The following FUT8 variants were observed in gnomAD, a reference collection of about 807,000 sequenced individuals.
The protein encoded by FUT8 is alpha-(1,6)-fucosyltransferase.
FUT8 carries 29 observed loss-of-function variants against 71.3 expected under a neutral mutation model. That is an observed-to-expected ratio of 0.41 (90% CI 0.30 to 0.55). The LOEUF is 0.55. Among genes scored for constraint, FUT8 ranks in the 20% least tolerant of loss-of-function variants. FUT8 has a pLI of 0.34. For synonymous variants in FUT8, 254 were observed against 239.3 expected (o/e 1.06, Z -0.57); for missense variants, 544 against 702.1 (o/e 0.77, Z 2.55).
intron 7 of FUT8, among the ~76,000 whole-genome samples, chr14:65,688,287 C>T (rs1893399653): frequency 1.3e-5 from 2 of 152,082 alleles, no homozygotes; most frequent in Admixed American, 6.5e-5. Context: ...GCAAACTAAT[C>T]TTTTAAATCT....
chr14:65,715,977 A>T (rs1327347843), intron 7 of FUT8, among the ~76,000 whole-genome samples: 2 of 150,812 alleles, frequency 1.3e-5, no homozygotes, highest in African/African-American at 4.9e-5. Context: ...CCTCTCTCAA[A>T]AAAAAAAAAA....
chr14:65,457,246 T>G (rs1013890002), intron 2 of FUT8, among the ~76,000 whole-genome samples: 11 of 152,248 alleles, frequency 7.2e-5, no homozygotes, highest in Admixed American at 7.2e-4. Context: ...CTGTGATGAT[T>G]TAACTATTGC....
intron 3 of FUT8, among the ~76,000 whole-genome samples, chr14:65,606,228 A>C (rs1399936117): frequency 1.3e-5 from 2 of 150,580 alleles, no homozygotes; most frequent in Non-Finnish European, 3.0e-5. Context: ...GCCTGCCACC[A>C]ACCCTGGCTA....
At position 65,742,462 on chromosome 14, in the gene FUT8, C is replaced by T. The variant is rs1445013461; in HGVS notation, c.*52C>T. 1.3e-6 allele frequency: 2 copies of T among 1,506,850 alleles called. No individual in the cohort carries two copies. Among genetic ancestry groups the T allele is most frequent in the Non-Finnish European group, 1.8e-6 (2 of 1,106,024 alleles). 93.3% of individuals were successfully genotyped at this position (1,506,850 alleles called of 1,614,324 possible). On this transcript the variant is annotated 3_prime_UTR_variant, in exon 11 of 11. Coordinates refer to ENST00000673929, the MANE Select transcript of FUT8 (RefSeq NM_001371533.1). ...AAACTCAGTTCGACCAAACTCAGTT[C>T]AAACCATTTCAGCCAAACTGTAGAT...
chr14:65,368,342 CTT>C, the FUT8 span, among the ~76,000 whole-genome samples: 16 of 89,700 alleles, frequency 1.8e-4, no homozygotes, highest in Admixed American at 2.4e-4. Context: ...CGTGAGCCAC[CTT>C]TTTTTTTTTT....
the FUT8 span, among the ~76,000 whole-genome samples, chr14:65,389,003 T>C: frequency 6.6e-6 from 1 of 150,886 alleles, no homozygotes; most frequent in Non-Finnish European, 1.5e-5. Context: ...AATGAATACA[T>C]ACATATTTAT....
At chr14:65,511,743 G>A (rs565783875) in intron 2 of FUT8, among the ~76,000 whole-genome samples, 2 of 152,214 alleles carry the variant, frequency 1.3e-5, no homozygotes, top group Non-Finnish European at 2.9e-5. Flanking sequence ...CATTGGCATG[G>A]AATATCTTTT....
At chr14:65,558,887 G>GA (rs1885747975) in intron 2 of FUT8, among the ~76,000 whole-genome samples, 1 of 151,918 alleles carries the variant, frequency 6.6e-6, no homozygotes, top group African/African-American at 2.4e-5. Flanking sequence ...CTATTAATTA[G>GA]AAAATGACCA....
chr14:65,575,767 C>T (rs1886739690), intron 3 of FUT8, among the ~76,000 whole-genome samples: 1 of 151,984 alleles, frequency 6.6e-6, no homozygotes, highest in Non-Finnish European at 1.5e-5. Context: ...TACAGGTGCG[C>T]GTTGCTGTGG....
At position 65,643,975 on chromosome 14, in the gene FUT8, A is replaced by G. The variant is rs1890994527; in HGVS notation, c.597+14369A>G. Among the ~76,000 whole-genome samples, 2 of 152,090 alleles carry G rather than the reference A, an allele frequency of 1.3e-5. No individual in the cohort carries two copies. The highest frequency in any genetic ancestry group is 6.5e-5 in the Admixed American group (1 of 15,274). On this transcript the variant is annotated intron_variant, in intron 6 of 10. Transcript: ENST00000673929. This position sits in a 1 kb window ranked among gnomAD's most constrained non-coding sequence, Gnocchi z 4.5. ...TCGACTCTGATCTAAGTCACAATAC[A>G]GTTCTAGAAACAATTTTCCAAATCT...
chr14:65,669,314 G>A lies in FUT8; in HGVS notation c.669G>A (p.Gln223=), dbSNP rs1480205605. The change falls in exon 7 of 11, where the codon CAG becomes CAA. Residue 223 remains glutamine (Q), a synonymous_variant. Coordinates refer to ENST00000673929, the MANE Select transcript of FUT8 (RefSeq NM_001371533.1). The surrounding 1 kb of genome is among the most constrained non-coding windows in gnomAD (Gnocchi z 4.5). ...NINKGCGYGC[Q]LHHVVYCFMI... ...ACAAAGGCTGTGGCTATGGCTGTCA[G>A]CTCCATCATGTGGTCTACTGCTTCA... is the stretch of plus-strand genomic sequence containing the variant. The A allele has an allele frequency of 1.2e-6, 2 of 1,613,900 alleles. No homozygotes were observed. The highest frequency in any genetic ancestry group is 4.5e-5 in the East Asian group (2 of 44,886).
upstream of FUT8, among the ~76,000 whole-genome samples, chr14:65,408,188 C>CT (rs200375534): frequency 7.2e-5 from 11 of 152,012 alleles, no homozygotes; most frequent in East Asian, 5.8e-4. Context: ...CTACCTTGTC[C>CT]TTTTTTTTGG....
chr14:65,664,561 G>A (rs1400436322), intron 6 of FUT8, among the ~76,000 whole-genome samples: 1 of 152,018 alleles, frequency 6.6e-6, no homozygotes, highest in Non-Finnish European at 1.5e-5. Context: ...GTTCTGCTTT[G>A]ATCTAAAAAA....
Position 65,415,361 on chromosome 14 carries a change from A to C in FUT8, c.-326+2147A>C, listed in dbSNP as rs185273519. On this transcript the variant is annotated intron_variant, in intron 1 of 10. Coordinates refer to ENST00000673929, the MANE Select transcript of FUT8 (RefSeq NM_001371533.1). ...GTGAATATATTGTGTATTACAAATT[A>C]GTTTAAAAAAGTCTTTTCATGCGCT... 2.8e-4 allele frequency among the ~76,000 whole-genome samples: 42 copies of C among 152,344 alleles called. No individual in the cohort carries two copies. The East Asian group carries it at 7.5e-3, about 27-fold the overall frequency.
In FUT8 at chr14:65,736,188, T is replaced by C. The variant is rs375742719; in HGVS notation, c.1410+2807T>C. On this transcript the variant is annotated intron_variant, in intron 10 of 10. Transcript: ENST00000673929. Reference sequence around the variant, plus strand: ...ATAGTACCTATAGTATAGAGTCTTTTTGAGGATTAAGGAGTTATGAAAAGT... The same window carrying C: ...ATAGTACCTATAGTATAGAGTCTTTCTGAGGATTAAGGAGTTATGAAAAGT... Among the ~76,000 whole-genome samples the C allele has an allele frequency of 1.2e-4, 19 of 152,194 alleles. 3 individuals carry two copies. The highest frequency in any genetic ancestry group is 4.3e-4 in the African/African-American group (18 of 41,526).
intron 1 of FUT8, among the ~76,000 whole-genome samples, chr14:65,439,391 G>A (rs562057915): frequency 1.3e-5 from 2 of 152,264 alleles, no homozygotes; most frequent in East Asian, 1.9e-4. Flanking sequence ...GAATGGACAT[G>A]TACCTCATAT....
intron 7 of FUT8, among the ~76,000 whole-genome samples, chr14:65,693,539 A>G (rs1303217829): frequency 6.6e-6 from 1 of 152,058 alleles, no homozygotes; most frequent in Non-Finnish European, 1.5e-5. Flanking sequence ...GGGGAGAGGG[A>G]GAGAGGGAGG....
intron 6 of FUT8, among the ~76,000 whole-genome samples, chr14:65,630,967 A>G (rs552775173): frequency 1.2e-4 from 18 of 152,338 alleles, no homozygotes; most frequent in South Asian, 2.1e-4. Context: ...ATGGTTCTGT[A>G]TATTTTAAGG....
chr14:65,586,756 C>G (rs548547127), intron 3 of FUT8, among the ~76,000 whole-genome samples: 14 of 152,266 alleles, frequency 9.2e-5, no homozygotes, highest in African/African-American at 3.4e-4. Flanking sequence ...ATTTGTGCTT[C>G]TATCAAATAA....
Sources: allele counts gnomAD v4.1 joint callset (sites outside exome capture counted in the v4.1 genomes callset), GRCh38; gene constraint gnomAD v4.1.1; non-coding constraint Gnocchi (gnomAD v3.1); transcripts MANE v1.5; gene names NCBI Gene and HGNC (gene_info 2026-07-23, HGNC 2026-07-21).